SPATA31D1: variants seen among roughly 807,000 people sequenced by gnomAD.
SPATA31D1 encodes the protein spermatogenesis-associated protein 31D1.
A neutral mutation model predicts 13.2 loss-of-function variants in SPATA31D1; 6 were observed. That is an observed-to-expected ratio of 0.46 (90% CI 0.25 to 0.90). The LOEUF (loss-of-function observed/expected upper bound fraction) is 0.90. SPATA31D1 is among the 40% of genes least tolerant of loss of function. The pLI is 0.18. For synonymous variants in SPATA31D1, 903 were observed against 718.8 expected (o/e 1.26, Z -4.10); for missense variants, 2,445 against 1,884.7 (o/e 1.30, Z -5.50).
At position 81,993,107 on chromosome 9, in the gene SPATA31D1, G is replaced by A; in HGVS notation, c.2637G>A (p.Leu879=). The A allele has an allele frequency of 6.2e-7, 1 of 1,613,856 alleles. No homozygotes were observed. Residue 879 remains leucine, a synonymous_variant, in exon 4 of 4, where the codon TTG becomes TTA. Transcript: ENST00000344803. ...SQIKHRNLVT[L]VSEDHCVDTS... is the part of the protein sequence containing the mutation. ...TTAAACATCGAAATCTGGTAACATT[G>A]GTGAGTGAGGACCACTGCGTTGATA...
upstream of SPATA31D1, among the ~76,000 whole-genome samples, chr9:81,987,770 T>C (rs1824881440): frequency 6.6e-6 from 1 of 151,984 alleles, no homozygotes; most frequent in Non-Finnish European, 1.5e-5. Context: ...AAATAATCAG[T>C]TTACAGGATA....
rs973337907 is a variant in SPATA31D1, at chr9:81,991,601, G to C, written c.1131G>C (p.Met377Ile). ...FSSNFVPSDFMEELLTLHSSE... is the reference protein window; with the variant it reads ...FSSNFVPSDFIEELLTLHSSE... Reference sequence around the variant, plus strand: ...CTAATTTTGTGCCATCTGATTTCATGGAGGAGCTTCTTACCCTTCATTCTT... The same window carrying C: ...CTAATTTTGTGCCATCTGATTTCATCGAGGAGCTTCTTACCCTTCATTCTT... The change falls in exon 4 of 4, where the codon ATG becomes ATC. Residue 377 changes from methionine to isoleucine, a missense_variant. Physicochemically the swap from Met to Ile is conservative, Grantham distance 10. Coordinates refer to ENST00000344803, the MANE Select transcript of SPATA31D1 (RefSeq NM_001001670.3). 1.4e-5 allele frequency: 23 copies of C among 1,613,860 alleles called. No individual in the cohort carries two copies. In the African/African-American group the frequency reaches 2.5e-4, roughly 18 times the overall value.
rs149450724 is a variant in SPATA31D1 at position 81,993,528 on chromosome 9, G to T, written c.3058G>T (p.Gly1020Trp). ...CCTTATAGAGACAGATTCCAAAGAC[G>T]GGGCCTCCACATCCCTTAGAAGAGG... ...HDLIETDSKD[G>W]ASTSLRRGTT... The change falls in exon 4 of 4, where the codon GGG (glycine) becomes TGG (tryptophan). Residue 1020 changes from glycine (G) to tryptophan (W), a missense_variant. Gly to Trp is a radical substitution (Grantham distance 184). Transcript: ENST00000344803. The T allele has an allele frequency of 1.9e-6, 3 of 1,613,824 alleles. No individual in the cohort carries two copies. In the African/African-American group the frequency reaches 4.0e-5, roughly 22 times the overall value.
At position 81,991,261 on chromosome 9, in the gene SPATA31D1, C is replaced by A; in HGVS notation, c.791C>A (p.Ala264Asp). 6 of 1,614,052 alleles carry A rather than the reference C, an allele frequency of 3.7e-6. No homozygotes were observed. The highest frequency in any genetic ancestry group is 5.1e-6 in the Non-Finnish European group (6 of 1,179,900). Residue 264 changes from alanine to aspartate, a missense_variant, in exon 4 of 4, where the codon GCC becomes GAC. By Grantham distance (126) the Ala-to-Asp change is moderately radical. Transcript: ENST00000344803. ...ERVESSLQPE[A>D]SLSLNTIFSF... Reference sequence around the variant, plus strand: ...GTGGAGTCCAGCCTCCAACCTGAAGCCAGTTTGTCTCTGAACACCATCTTT... The same window carrying A: ...GTGGAGTCCAGCCTCCAACCTGAAGACAGTTTGTCTCTGAACACCATCTTT...
rs771581462 is a variant in SPATA31D1 at position 81,993,767 on chromosome 9, A to G, written c.3297A>G (p.Glu1099=). Residue 1099 remains glutamate (E), a synonymous_variant, in exon 4 of 4, where the codon GAA becomes GAG. Coordinates refer to ENST00000344803, the MANE Select transcript of SPATA31D1 (RefSeq NM_001001670.3). ...CCCCGCCACACAGCATCGTAGACGAAGTCAGTCAGAAACAGACTGTACTGG... is the reference window on the plus strand; with the variant it reads ...CCCCGCCACACAGCATCGTAGACGAGGTCAGTCAGAAACAGACTGTACTGG... The part of the protein sequence containing the change: ...FLPPPHSIVD[E]VSQKQTVLAS... 1.2e-6 allele frequency: 2 copies of G among 1,614,032 alleles called. No individual in the cohort carries two copies. Among genetic ancestry groups the G allele is most frequent in the Admixed American group, 1.7e-5 (1 of 60,028 alleles).
In SPATA31D1 at chr9:81,993,989, T is replaced by C. The variant is rs1825039272; in HGVS notation, c.3519T>C (p.Asn1173=). The change falls in exon 4 of 4, where the codon AAT becomes AAC. Residue 1173 remains asparagine (N), a synonymous_variant. Coordinates refer to ENST00000344803, the MANE Select transcript of SPATA31D1 (RefSeq NM_001001670.3). ...AGTCAGGAAGCTGCTCACTGACAAA[T>C]GTGAAAGCAAGCACTTCCAATGAAA... ...TSKSGSCSLT[N]VKASTSNETE... is the part of the protein sequence containing the mutation. The C allele has an allele frequency of 6.2e-7, 1 of 1,613,662 alleles. No homozygotes were observed. The highest frequency in any genetic ancestry group is 2.2e-5 in the East Asian group (1 of 44,884).
At chr9:81,988,573 T>C (rs1274890154), upstream of SPATA31D1, among the ~76,000 whole-genome samples, 2 of 151,970 alleles carry the variant, frequency 1.3e-5, no homozygotes, top group East Asian at 1.9e-4. Flanking sequence ...AAGATAAATA[T>C]ATGACATGAA....
At position 81,992,247 on chromosome 9, in the gene SPATA31D1, C is replaced by T; in HGVS notation, c.1777C>T (p.Pro593Ser). ...QPQSPFRALL[P>S]SPLFLIRICG... is the part of the protein sequence containing the mutation. Reference sequence around the variant, plus strand: ...TCAATCTCCATTCCGAGCCCTACTACCTAGTCCTCTATTCCTGATTAGGAT... The same window carrying T: ...TCAATCTCCATTCCGAGCCCTACTATCTAGTCCTCTATTCCTGATTAGGAT... The change falls in exon 4 of 4, where the codon CCT becomes TCT. Residue 593 changes from proline (P) to serine (S), a missense_variant. Physicochemically the swap from Pro to Ser is moderately conservative, Grantham distance 74. Coordinates refer to ENST00000344803, the MANE Select transcript of SPATA31D1 (RefSeq NM_001001670.3). 7 of 1,613,818 alleles carry T rather than the reference C, an allele frequency of 4.3e-6. No homozygotes were observed. The highest frequency in any genetic ancestry group is 5.9e-6 in the Non-Finnish European group (7 of 1,179,734).
At chr9:81,988,763 T>A, upstream of SPATA31D1, 2 of 1,611,312 alleles carry the variant, frequency 1.2e-6, no homozygotes, top group Non-Finnish European at 1.7e-6. Context: ...GTGCTTATAG[T>A]TAAGCCTGGG....
Position 81,993,398 on chromosome 9 carries a change from A to G in SPATA31D1, c.2928A>G (p.Thr976=). The G allele has an allele frequency of 6.2e-7, 1 of 1,613,978 alleles. No homozygotes were observed. The highest frequency in any genetic ancestry group is 8.5e-7 in the Non-Finnish European group (1 of 1,179,902). ...CTTTTCAAGGAGAAAAGTTGGGAAC[A>G]ACAAGCTCAGTCCCCATCCTTGATC... ...RSTFQGEKLG[T]TSSVPILDRP... Residue 976 remains threonine, a synonymous_variant, in exon 4 of 4, where the codon ACA becomes ACG. Transcript: ENST00000344803.
rs1825049191 is a variant in SPATA31D1 at position 81,994,333 on chromosome 9, C to A, written c.3863C>A (p.Pro1288Gln). The A allele has an allele frequency of 6.2e-7, 1 of 1,613,828 alleles. No homozygotes were observed. Among genetic ancestry groups the A allele is most frequent in the Non-Finnish European group, 8.5e-7 (1 of 1,179,886 alleles). The change falls in exon 4 of 4, where the codon CCA (proline) becomes CAA (glutamine). Residue 1288 changes from proline to glutamine, a missense_variant. Transcript: ENST00000344803. Reference protein sequence around the residue: ...VLQKCQVTNFPPAVNRVSPVR... With the variant: ...VLQKCQVTNFQPAVNRVSPVR... Reference sequence around the variant, plus strand: ...CAGAAGTGTCAAGTTACGAATTTCCCACCAGCTGTAAACAGAGTGAGTCCT... The same window carrying A: ...CAGAAGTGTCAAGTTACGAATTTCCAACCAGCTGTAAACAGAGTGAGTCCT...
rs1824961099 is a variant in SPATA31D1, at chr9:81,991,458, C to G, written c.988C>G (p.Leu330Val). 1 of 1,613,914 alleles carries G rather than the reference C, an allele frequency of 6.2e-7. No homozygotes were observed. Residue 330 changes from leucine to valine, a missense_variant, in exon 4 of 4, where the codon CTA becomes GTA. By Grantham distance (32) the Leu-to-Val change is conservative. Transcript: ENST00000344803. ...GAAGACTTTTCCGGAAATGTTATCT[C>G]TAGGTGGCTCTGGTGGGTCATCCAC... is the stretch of plus-strand genomic sequence containing the variant. ...ILKTFPEMLS[L>V]GGSGGSSTSA...
In SPATA31D1 at chr9:81,993,262, C is replaced by T. The variant is rs776159891; in HGVS notation, c.2792C>T (p.Ser931Leu). The change falls in exon 4 of 4, where the codon TCG becomes TTG. Residue 931 changes from serine (S) to leucine (L), a missense_variant. Ser to Leu is a moderately radical substitution (Grantham distance 145). Transcript: ENST00000344803. ...CTTGAATCCATAGAAATCTTCAAAT[C>T]GAAAGCGGACCTTTCCACTTCCTTT... ...KVLESIEIFK[S>L]KADLSTSFSH... 19 of 1,613,876 alleles carry T rather than the reference C, an allele frequency of 1.2e-5. No individual in the cohort carries two copies. The East Asian group carries it at 2.0e-4, about 17-fold the overall frequency.
Position 81,989,794 on chromosome 9 carries a change from AGAG to A in SPATA31D1, c.207_209del (p.Arg71del), listed in dbSNP as rs1204300669. On this transcript the variant is annotated inframe_deletion, in exon 2 of 4. Coordinates refer to ENST00000344803, the MANE Select transcript of SPATA31D1 (RefSeq NM_001001670.3). The stretch of plus-strand genomic sequence containing the variant: ...TGTTCTCAGCATCAGGGCAGAGCCA[AGAG>A]GAGAAGGAAAGGTGGGACATTCAAA... 5.6e-6 allele frequency: 9 copies of A among 1,613,762 alleles called. No homozygotes were observed. The South Asian group carries it at 8.8e-5, about 16-fold the overall frequency.
chr9:81,989,263 T>C (rs1010476074), intron 1 of SPATA31D1, among the ~76,000 whole-genome samples: 5 of 152,136 alleles, frequency 3.3e-5, no homozygotes, highest in Admixed American at 6.5e-5. Context: ...CAGGATAAAA[T>C]CCCAAACACA....
At chr9:81,989,103 GT>G in intron 1 of SPATA31D1, 99 bp downstream of exon 1, 1 of 1,487,434 alleles carries the variant, frequency 6.7e-7, no homozygotes, top group Non-Finnish European at 9.0e-7. Context: ...ACAGAGACAT[GT>G]TTTAGATGGG....
Position 81,994,883 on chromosome 9 carries a change from C to G in SPATA31D1, c.4413C>G (p.Thr1471=). Residue 1471 remains threonine (T), a synonymous_variant, in exon 4 of 4, where the codon ACC becomes ACG. Coordinates refer to ENST00000344803, the MANE Select transcript of SPATA31D1 (RefSeq NM_001001670.3). ...YRAPSCKVTR[T]KSCSQQAIFV... is the part of the protein sequence containing the mutation. ...CTCCCTCCTGCAAAGTGACACGTAC[C>G]AAATCTTGCAGCCAACAAGCTATCT... The G allele has an allele frequency of 6.2e-7, 1 of 1,613,970 alleles. No homozygotes were observed. Among genetic ancestry groups the G allele is most frequent in the Non-Finnish European group, 8.5e-7 (1 of 1,179,892 alleles).
At position 81,993,126 on chromosome 9, in the gene SPATA31D1, G is replaced by A. The variant is rs777325996; in HGVS notation, c.2656G>A (p.Val886Ile). The change falls in exon 4 of 4, where the codon GTT (valine) becomes ATT (isoleucine). Residue 886 changes from valine (V) to isoleucine (I), a missense_variant. Val to Ile is a conservative substitution (Grantham distance 29, BLOSUM62 3). Transcript: ENST00000344803. ...AACATTGGTGAGTGAGGACCACTGCGTTGATACTTCCCAGGAAATTTCCTT... is the reference window on the plus strand; with the variant it reads ...AACATTGGTGAGTGAGGACCACTGCATTGATACTTCCCAGGAAATTTCCTT... ...LVTLVSEDHC[V>I]DTSQEISFLS... The A allele has an allele frequency of 9.9e-6, 16 of 1,613,848 alleles. No individual in the cohort carries two copies. Among genetic ancestry groups the A allele is most frequent in the Middle Eastern group, 3.3e-4 (2 of 6,084 alleles).
At chr9:81,988,647 G>T, upstream of SPATA31D1, 1 of 998,898 alleles carries the variant, frequency 1.0e-6, no homozygotes, top group Non-Finnish European at 1.5e-6. Flanking sequence ...GCCCAGGAGA[G>T]TCAGCTGGGC....
Sources: gnomAD v4.1 joint callset for allele counts (sites outside exome capture counted in the v4.1 genomes callset) on GRCh38, gnomAD v4.1.1 for gene constraint, MANE v1.5 for transcripts, NCBI Gene and HGNC (gene_info 2026-07-23, HGNC 2026-07-21) for gene names.